Variants in KCNK3 observed in about 807,000 individuals in gnomAD.
KCNK3 encodes the protein potassium channel subfamily K member 3.
In KCNK3, 9 loss-of-function variants were observed where a neutral mutation model predicts 27.3. That is an observed-to-expected ratio of 0.33 (90% CI 0.20 to 0.57). KCNK3 has a LOEUF of 0.57. Ranked by LOEUF, KCNK3 falls within the 20% of genes least tolerant of loss-of-function variation. The pLI is 0.87. For missense variants in KCNK3, 391 were observed against 577.7 expected, an observed-to-expected ratio of 0.68 and a Z score of 3.31; for synonymous variants, 278 against 273.8, an observed-to-expected ratio of 1.02 and a Z score of -0.15.
chr2:26,720,585 C>T (rs1663310378), intron 1 of KCNK3, among the ~76,000 whole-genome samples: 1 of 152,172 alleles, frequency 6.6e-6, no homozygotes, highest in African/African-American at 2.4e-5. Flanking sequence ...TGTCCTACAT[C>T]AGAGGCCCCA....
At chr2:26,707,159 G>A (rs911207286) in intron 1 of KCNK3, among the ~76,000 whole-genome samples, 4 of 152,164 alleles carry the variant, frequency 2.6e-5, no homozygotes, top group East Asian at 3.9e-4. Flanking sequence ...GAGTGTGGCC[G>A]AGGTCCTGCT....
rs1182637845 is a variant in KCNK3, at chr2:26,728,616, T to G, written c.*48T>G. 2 of 1,398,088 alleles carry G rather than the reference T, an allele frequency of 1.4e-6. No individual in the cohort carries two copies. The highest frequency in any genetic ancestry group is 9.3e-7 in the Non-Finnish European group (1 of 1,074,154). 86.6% of individuals were successfully genotyped at this position (1,398,088 alleles called of 1,614,324 possible). ...CCTGGGGGCGCGGGCGGGGGACCCC[T>G]GCTGGGAGGCCAGGAGACTGCCCCT... On this transcript the variant is annotated 3_prime_UTR_variant, in exon 2 of 2. Transcript: ENST00000302909.
chr2:26,707,437 G>C (rs545044266), intron 1 of KCNK3, among the ~76,000 whole-genome samples: 39 of 152,356 alleles, frequency 2.6e-4, no homozygotes, highest in African/African-American at 8.9e-4. Flanking sequence ...CAGGCCCTGG[G>C]CTTGCTCCAA....
intron 1 of KCNK3, among the ~76,000 whole-genome samples, chr2:26,704,817 G>A (rs1056749139): frequency 3.9e-5 from 6 of 152,256 alleles, no homozygotes; most frequent in African/African-American, 1.4e-4. Context: ...CCCCCAACAT[G>A]GAGCAGCCGC....
intron 1 of KCNK3, among the ~76,000 whole-genome samples, chr2:26,717,325 G>A (rs1169431697): frequency 6.6e-6 from 1 of 152,190 alleles, no homozygotes; most frequent in Non-Finnish European, 1.5e-5. Context: ...GTTGGGAGAA[G>A]TTCATTCCCT....
At chr2:26,708,775 A>T (rs1663041438) in intron 1 of KCNK3, among the ~76,000 whole-genome samples, 1 of 152,234 alleles carries the variant, frequency 6.6e-6, no homozygotes, top group Non-Finnish European at 1.5e-5. Context: ...ACATGACTTA[A>T]ATTTTTACAA....
chr2:26,728,295 G>A lies in KCNK3; in HGVS notation c.912G>A (p.Leu304=). 1 of 1,599,296 alleles carries A rather than the reference G, an allele frequency of 6.3e-7. No individual in the cohort carries two copies. Among genetic ancestry groups the A allele is most frequent in the Non-Finnish European group, 8.5e-7 (1 of 1,173,264 alleles). The part of the protein sequence containing the change: ...GGFRNVYAEV[L]HFQSMCSCLW... ...TCCGCAACGTCTACGCGGAGGTGCTGCACTTCCAGTCCATGTGCTCGTGCC... is the reference window on the plus strand; with the variant it reads ...TCCGCAACGTCTACGCGGAGGTGCTACACTTCCAGTCCATGTGCTCGTGCC... The change falls in exon 2 of 2, where the codon CTG becomes CTA. Residue 304 remains leucine, a synonymous_variant. Coordinates refer to ENST00000302909, the MANE Select transcript of KCNK3 (RefSeq NM_002246.3).
rs1731257 is a variant in KCNK3, at chr2:26,730,803, G to A, written c.*2235G>A. On this transcript the variant is annotated 3_prime_UTR_variant, in exon 2 of 2. Coordinates refer to ENST00000302909, the MANE Select transcript of KCNK3 (RefSeq NM_002246.3). ...CTGCCTCTGTCCTGTGTGTGACCCT[G>A]CCCTCGAAGGGTCCTGTCCTGTCAG... 147,710 of 152,254 alleles carry A rather than the reference G, an allele frequency of 0.97. 71,808 individuals are homozygous for A. The highest frequency in any genetic ancestry group is 1 in the East Asian group (5,146 of 5,146). 9.4% of individuals were successfully genotyped at this position (152,254 alleles called of 1,614,324 possible).
At chr2:26,709,119 A>G (rs1663052361) in intron 1 of KCNK3, among the ~76,000 whole-genome samples, 1 of 152,178 alleles carries the variant, frequency 6.6e-6, no homozygotes, top group Admixed American at 6.6e-5. Context: ...ATGGAAAAGA[A>G]CATCCAGAGA....
intron 1 of KCNK3, among the ~76,000 whole-genome samples, chr2:26,703,855 C>T (rs536985237): frequency 6.6e-6 from 1 of 152,252 alleles, no homozygotes; most frequent in African/African-American, 2.4e-5. Flanking sequence ...GATCAGCAGC[C>T]AGAGCTTTCT....
chr2:26,700,712 T>C (rs1171685135), intron 1 of KCNK3, among the ~76,000 whole-genome samples: 1 of 141,088 alleles, frequency 7.1e-6, no homozygotes, highest in African/African-American at 2.7e-5. Flanking sequence ...TGCTTCTCCC[T>C]CTTCATCATC....
chr2:26,727,611 C>A, intron 1 of KCNK3, 56 bp from the exon 2 acceptor site: 1 of 1,512,528 alleles, frequency 6.6e-7, no homozygotes, highest in South Asian at 1.3e-5. Flanking sequence ...AAGAAGGTTT[C>A]TGGAAGGGCA....
intron 1 of KCNK3, among the ~76,000 whole-genome samples, chr2:26,718,208 G>A (rs1334950941): frequency 6.6e-6 from 1 of 151,958 alleles, no homozygotes; most frequent in Non-Finnish European, 1.5e-5. Context: ...CCACAGCCAC[G>A]CCCCTGCCCA....
chr2:26,698,634 C>G (rs1670264478), intron 1 of KCNK3, among the ~76,000 whole-genome samples: 1 of 152,216 alleles, frequency 6.6e-6, no homozygotes, highest in African/African-American at 2.4e-5. Flanking sequence ...ACCACGGCTA[C>G]TTCTGCTGCT....
intron 1 of KCNK3, among the ~76,000 whole-genome samples, chr2:26,715,310 T>C (rs902843549): frequency 1.3e-5 from 2 of 152,244 alleles, no homozygotes; most frequent in African/African-American, 4.8e-5. Flanking sequence ...GCGTCTGGAA[T>C]ACAGGTGCTT....
intron 1 of KCNK3, among the ~76,000 whole-genome samples, chr2:26,699,839 C>T (rs1028341286): frequency 3.9e-5 from 6 of 152,212 alleles, no homozygotes; most frequent in Admixed American, 6.5e-5. Flanking sequence ...AGGAAAAGGA[C>T]GCTCAGAGAA....
intron 1 of KCNK3, among the ~76,000 whole-genome samples, chr2:26,712,463 A>T (rs149846212): frequency 1.6e-3 from 240 of 152,312 alleles, no homozygotes; most frequent in African/African-American, 5.4e-3. Context: ...GGCTGAATTC[A>T]GTGGCTTCTT....
chr2:26,704,836 G>T (rs886090499), intron 1 of KCNK3, among the ~76,000 whole-genome samples: 1 of 152,284 alleles, frequency 6.6e-6, no homozygotes, highest in Non-Finnish European at 1.5e-5. Flanking sequence ...GCTCCTCAGG[G>T]AGCCTGCCTC....
rs562342338 is a variant in KCNK3 at position 26,701,139 on chromosome 2, A to T, written c.283+7981A>T. 2.0e-5 allele frequency among the ~76,000 whole-genome samples: 3 copies of T among 152,372 alleles called. No individual in the cohort carries two copies. In the East Asian group the frequency reaches 5.8e-4, roughly 29 times the overall value. On this transcript the variant is annotated intron_variant, in intron 1 of 1. Coordinates refer to ENST00000302909, the MANE Select transcript of KCNK3 (RefSeq NM_002246.3). The stretch of plus-strand genomic sequence containing the variant: ...AGTAGCAAGGCTCTAAAGAACCTGG[A>T]GACCTGACATCTGGGAATAGCCATG...
Sources: allele counts gnomAD v4.1 joint callset (sites outside exome capture counted in the v4.1 genomes callset), GRCh38; gene constraint gnomAD v4.1.1; transcripts MANE v1.5; gene names NCBI Gene and HGNC (gene_info 2026-07-23, HGNC 2026-07-21).